Variants in RIPOR2 observed in about 807,000 individuals in gnomAD.
RIPOR2 encodes RHO family interacting cell polarization regulator 2, also known as rho family-interacting cell polarization regulator 2.
Under a neutral mutation model 114.5 loss-of-function variants are expected in RIPOR2, and 39 were observed. That is an observed-to-expected ratio of 0.34 (90% CI 0.26 to 0.44). RIPOR2 has a LOEUF of 0.44. Ranked by LOEUF, RIPOR2 falls within the 20% of genes least tolerant of loss-of-function variation. The probability of loss-of-function intolerance (pLI) is 1.00; values close to 1 mark genes in which losing one functional copy is unlikely to be tolerated. For synonymous variants in RIPOR2, 445 were observed against 484.4 expected (o/e 0.92, Z 1.07); for missense variants, 1,007 against 1,255.1 (o/e 0.80, Z 2.99).
At chr6:24,998,018 T>C (rs1008876432) in intron 1 of RIPOR2, among the ~76,000 whole-genome samples, 2 of 152,128 alleles carry the variant, frequency 1.3e-5, no homozygotes, top group African/African-American at 2.4e-5. Flanking sequence ...GTCTTAGGAA[T>C]AGAGCTTGAT....
chr6:24,992,705 A>G (rs1002097059), intron 1 of RIPOR2, among the ~76,000 whole-genome samples: 5 of 152,350 alleles, frequency 3.3e-5, no homozygotes, highest in African/African-American at 1.2e-4. Flanking sequence ...TCACAGAACT[A>G]GAAACAACTA....
intron 1 of RIPOR2, among the ~76,000 whole-genome samples, chr6:24,897,998 T>C (rs1280394723): frequency 6.6e-6 from 1 of 151,096 alleles, no homozygotes; most frequent in East Asian, 2.0e-4. Flanking sequence ...CACTCCAGCC[T>C]GGGTGACAGA....
chr6:24,817,976 C>CTTTTTTTTTTTTTTTTTTTTTTTTTTTTT (rs758675486), intron 20 of RIPOR2, among the ~76,000 whole-genome samples: 1 of 84,448 alleles, frequency 1.2e-5, no homozygotes. Flanking sequence ...CTCTCTCTCT[C>CTTTTTTTTTTTTTTTTTTTTTTTTTTTTT]TCTTTTTTTT....
intron 1 of RIPOR2, chr6:25,024,585 A>G: frequency 4.0e-6 from 2 of 501,762 alleles, no homozygotes; most frequent in South Asian, 3.9e-5. Flanking sequence ...CGACAGAACA[A>G]GAGCAGTCAG....
chr6:24,835,732 G>A lies in RIPOR2; in HGVS notation c.2179C>T (p.His727Tyr). 6.4e-7 allele frequency: 1 copy of A among 1,551,626 alleles called. No homozygotes were observed. The highest frequency in any genetic ancestry group is 2.4e-5 in the East Asian group (1 of 40,928). Residue 727 changes from histidine to tyrosine, a missense_variant, in exon 15 of 22, where the codon CAC (histidine) becomes TAC (tyrosine). Transcript: ENST00000643898. ...ACGAGTTGGGTGCAGTACTGGAGGT[G>A]CCTGACGATGGTGATGTCCAGGCTC... ...NESLDITIVR[H>Y]LQYCTQLVQQ...
chr6:24,850,391 C>T (rs578239262), intron 10 of RIPOR2, among the ~76,000 whole-genome samples: 105 of 152,170 alleles, frequency 6.9e-4, no homozygotes, highest in Admixed American at 2.9e-3. Context: ...CACTACACTA[C>T]GCCTGGCCAG....
intron 13 of RIPOR2, among the ~76,000 whole-genome samples, chr6:24,841,562 T>C (rs987949489): frequency 6.6e-5 from 10 of 151,764 alleles, no homozygotes; most frequent in Admixed American, 3.9e-4. Context: ...CAAAAAGCCT[T>C]GGAAATGTAG....
At chr6:25,032,504 CCT>C (rs1372436650) in intron 1 of RIPOR2, among the ~76,000 whole-genome samples, 2 of 151,990 alleles carry the variant, frequency 1.3e-5, no homozygotes, top group African/African-American at 2.4e-5. Context: ...TCCAAATCGC[CCT>C]CTGTTTGGTG....
intron 1 of RIPOR2, among the ~76,000 whole-genome samples, chr6:24,904,919 C>T (rs544646416): frequency 2.6e-5 from 4 of 152,230 alleles, no homozygotes; most frequent in South Asian, 2.1e-4. Flanking sequence ...GGATTACAGG[C>T]GTATACCACC....
chr6:25,000,092 A>AAT (rs1432796329), intron 1 of RIPOR2, among the ~76,000 whole-genome samples: 3 of 152,026 alleles, frequency 2.0e-5, no homozygotes, highest in African/African-American at 7.3e-5. Context: ...GCATATCCCC[A>AAT]ATACCATGGT....
At chr6:24,882,189 C>G (rs1345748042) in intron 1 of RIPOR2, among the ~76,000 whole-genome samples, 1 of 152,162 alleles carries the variant, frequency 6.6e-6, no homozygotes, top group Admixed American at 6.5e-5. Context: ...TTCTACTTCT[C>G]CCTATATTTT....
At position 24,836,965 on chromosome 6, in the gene RIPOR2, A is replaced by T. The variant is rs566184674; in HGVS notation, c.2040-1094T>A. ...CCTGTGCTTGTGATATTTTTTTGTT[A>T]AAATGTTTCTTATAGCAAGAAGAAA... On this transcript the variant is annotated intron_variant, in intron 14 of 21. Transcript: ENST00000643898. Among the ~76,000 whole-genome samples the T allele has an allele frequency of 6.6e-5, 10 of 152,278 alleles. No individual in the cohort carries two copies. In the East Asian group the frequency reaches 1.9e-3, roughly 29 times the overall value.
At position 25,004,596 on chromosome 6, in the gene RIPOR2, C is replaced by G. The variant is rs925334711; in HGVS notation, c.76+37255G>C. Among the ~76,000 whole-genome samples the G allele has an allele frequency of 2.6e-5, 4 of 152,352 alleles. No individual in the cohort carries two copies. In the South Asian group the frequency reaches 6.2e-4, roughly 24 times the overall value. ...CATCAGGACTCAAGAAGCCAGGGAT[C>G]CCTGCTCAGCAGGCCAATCAGAGAG... On this transcript the variant is annotated intron_variant, in intron 1 of 13. Transcript: ENST00000510784.
At chr6:25,003,043 A>C (rs970002119) in intron 1 of RIPOR2, among the ~76,000 whole-genome samples, 11 of 152,242 alleles carry the variant, frequency 7.2e-5, no homozygotes, top group Non-Finnish European at 1.3e-4. Flanking sequence ...TCCATGGAAC[A>C]TTTTATGGTT....
chr6:25,031,681 A>C (rs1194818913), intron 1 of RIPOR2, among the ~76,000 whole-genome samples: 1 of 123,394 alleles, frequency 8.1e-6, no homozygotes, highest in African/African-American at 3.0e-5. Flanking sequence ...ATGGTTAGGT[A>C]TGTGATGTAG....
chr6:24,872,845 A>T (rs1458026357), intron 4 of RIPOR2, 36 bp downstream of exon 4: 1 of 1,385,804 alleles, frequency 7.2e-7, no homozygotes. Context: ...GCTAAAAAGA[A>T]CAGTGTTAAC....
At chr6:24,976,129 T>C (rs966155638) in intron 1 of RIPOR2, among the ~76,000 whole-genome samples, 3 of 152,172 alleles carry the variant, frequency 2.0e-5, no homozygotes, top group Admixed American at 6.5e-5. Context: ...ATTTTTAAAA[T>C]TCATCCTTTT....
At chr6:24,938,536 T>C (rs1299249629), upstream of RIPOR2, among the ~76,000 whole-genome samples, 6 of 152,206 alleles carry the variant, frequency 3.9e-5, no homozygotes, top group Non-Finnish European at 8.8e-5. Context: ...GTAAAGAAGC[T>C]GACACAGTAC....
chr6:24,976,392 G>T lies in RIPOR2; in HGVS notation c.76+65459C>A, dbSNP rs1011493099. ...GAGAAAAGGCTTTGCAGACGCCGCCGCCGAGGAAAACCGTGTGCTATTAGC... is the reference window on the plus strand; with the variant it reads ...GAGAAAAGGCTTTGCAGACGCCGCCTCCGAGGAAAACCGTGTGCTATTAGC... On this transcript the variant is annotated intron_variant, in intron 1 of 13. Coordinates refer to the RIPOR2 transcript ENST00000510784. 2.8e-6 allele frequency: 4 copies of T among 1,416,922 alleles called. No homozygotes were observed. In the African/African-American group the frequency reaches 5.7e-5, roughly 20 times the overall value. 87.8% of individuals were successfully genotyped at this position (1,416,922 alleles called of 1,614,324 possible).
Sources: gnomAD v4.1 joint callset for allele counts (sites outside exome capture counted in the v4.1 genomes callset) on GRCh38, gnomAD v4.1.1 for gene constraint, MANE v1.5 for transcripts, NCBI Gene and HGNC (gene_info 2026-07-23, HGNC 2026-07-21) for gene names.